PODN: variants seen among roughly 807,000 people sequenced by gnomAD.
PODN encodes podocan.
In PODN, 40 loss-of-function variants were observed where a neutral mutation model predicts 52.7. The ratio of observed to expected loss-of-function variants is 0.76; its 90% CI spans 0.59 to 0.99. PODN has a LOEUF of 0.99. Among genes scored for constraint, PODN ranks in the 50% least tolerant of loss-of-function variants. The pLI, the probability that PODN is intolerant of heterozygous loss-of-function variation, is 0.00. For synonymous variants in PODN, 396 were observed against 377.9 expected (o/e 1.05, Z -0.56); for missense variants, 720 against 815.1 (o/e 0.88, Z 1.42).
At chr1:53,071,224 G>A (rs1040715017) in intron 2 of PODN, 3 of 225,096 alleles carry the variant, frequency 1.3e-5, no homozygotes, top group Non-Finnish European at 1.7e-5. Flanking sequence ...TGCCTGTCAC[G>A]AGGTGGGAAC....
chr1:53,075,912 T>C lies in PODN; in HGVS notation c.522T>C (p.Phe174=). The change falls in exon 5 of 11, where the codon TTT becomes TTC. Residue 174 remains phenylalanine (F), a synonymous_variant. Coordinates refer to ENST00000312553, the MANE Select transcript of PODN (RefSeq NM_153703.5). Reference sequence around the variant, plus strand: ...CAAACGCCCTGATCAGTGTGGACTTTGCTGCCAACTATCTCACCAAGATCT... The same window carrying C: ...CAAACGCCCTGATCAGTGTGGACTTCGCTGCCAACTATCTCACCAAGATCT... The part of the protein sequence containing the change: ...FLPNALISVD[F]AANYLTKIYG... 6.2e-7 allele frequency: 1 copy of C among 1,606,882 alleles called. No individual in the cohort carries two copies. The highest frequency in any genetic ancestry group is 8.5e-7 in the Non-Finnish European group (1 of 1,176,076).
At chr1:53,080,611 T>A in intron 8 of PODN, 117 bp from the exon 9 acceptor site, 1 of 1,101,866 alleles carries the variant, frequency 9.1e-7, no homozygotes, top group Non-Finnish European at 1.3e-6. Flanking sequence ...ACACCCCCCC[T>A]CCTCCACACA....
intron 1 of PODN, chr1:53,066,931 C>G (rs1644042131): frequency 6.7e-7 from 1 of 1,481,966 alleles, no homozygotes; most frequent in African/African-American, 1.4e-5. Context: ...TGGCCTTCTG[C>G]CCTGATTGAA....
In PODN at chr1:53,070,090, G is replaced by A. The variant is rs148109485; in HGVS notation, c.235G>A (p.Val79Ile). The A allele has an allele frequency of 5.2e-4, 841 of 1,612,946 alleles. 4 individuals carry two copies. The Middle Eastern group carries it at 0.014, about 26-fold the overall frequency. ...PRDCACSQEG[V>I]VDCGGIDLRE... is the part of the protein sequence containing the mutation. ...AGACTGTGCCTGTTCCCAGGAGGGCGTCGTGGACTGTGGCGGTATTGACCT... is the reference window on the plus strand; with the variant it reads ...AGACTGTGCCTGTTCCCAGGAGGGCATCGTGGACTGTGGCGGTATTGACCT... Residue 79 changes from valine to isoleucine, a missense_variant, in exon 2 of 11, where the codon GTC becomes ATC. By Grantham distance (29) the Val-to-Ile change is conservative. Coordinates refer to ENST00000312553, the MANE Select transcript of PODN (RefSeq NM_153703.5).
chr1:53,069,792 A>C lies in PODN; in HGVS notation c.-55-9A>C. 6.4e-7 allele frequency: 1 copy of C among 1,573,462 alleles called. No individual in the cohort carries two copies. Among genetic ancestry groups the C allele is most frequent in the Non-Finnish European group, 8.6e-7 (1 of 1,160,848 alleles). Reference sequence around the variant, plus strand: ...CGAGGGCCCCAGCTGTGTCCACTGTACCTCACAGGTTCCGTCAGCCCTGGC... The same window carrying C: ...CGAGGGCCCCAGCTGTGTCCACTGTCCCTCACAGGTTCCGTCAGCCCTGGC... On this transcript the variant is annotated splice_polypyrimidine_tract_variant and intron_variant, in intron 1 of 10. Coordinates refer to ENST00000312553, the MANE Select transcript of PODN (RefSeq NM_153703.5).
Position 53,077,328 on chromosome 1 carries a change from G to C in PODN, c.720G>C (p.Leu240=). 1 of 1,613,168 alleles carries C rather than the reference G, an allele frequency of 6.2e-7. No individual in the cohort carries two copies. Among genetic ancestry groups the C allele is most frequent in the Non-Finnish European group, 8.5e-7 (1 of 1,179,982 alleles). The change falls in exon 6 of 11, where the codon CTG becomes CTC. Residue 240 remains leucine (L), a synonymous_variant. Coordinates refer to ENST00000312553, the MANE Select transcript of PODN (RefSeq NM_153703.5). The part of the protein sequence containing the change: ...RHVPKHLPPA[L]YKLHLKNNKL... ...TGCCCAAGCACCTGCCGCCTGCCCTGTACAAGCTGCACCTCAAGGTGGGCA... is the reference window on the plus strand; with the variant it reads ...TGCCCAAGCACCTGCCGCCTGCCCTCTACAAGCTGCACCTCAAGGTGGGCA...
chr1:53,070,223 C>T, intron 2 of PODN, 56 bp downstream of exon 2: 1 of 1,588,422 alleles, frequency 6.3e-7, no homozygotes, highest in Non-Finnish European at 8.5e-7. Flanking sequence ...CCCTTGGTTC[C>T]CATCCCAGAA....
At chr1:53,075,691 G>C (rs1323305264) in intron 4 of PODN, among the ~76,000 whole-genome samples, 171 bp from the exon 5 acceptor site, 1 of 151,538 alleles carries the variant, frequency 6.6e-6, no homozygotes, top group Non-Finnish European at 1.5e-5. Context: ...GACAGCCAGA[G>C]AGGTTTTGTT....
At chr1:53,082,597 A>T (rs1311271592) in intron 10 of PODN, among the ~76,000 whole-genome samples, 1 of 152,198 alleles carries the variant, frequency 6.6e-6, no homozygotes, top group African/African-American at 2.4e-5. Flanking sequence ...AGCAGTTAGG[A>T]AAGGAGGTAG....
chr1:53,077,642 C>T lies in PODN; in HGVS notation c.739-43C>T, dbSNP rs373435031. 2.5e-4 allele frequency: 394 copies of T among 1,554,322 alleles called. 1 individual carries two copies. The African/African-American group carries it at 3.1e-3, about 12-fold the overall frequency. ...CATCCCGAGGCCCTGACCTTGCCCT[C>T]GGCCCTCCCTCACAATCTCCTCCCT... On this transcript the variant is annotated intron_variant, in intron 6 of 10. Transcript: ENST00000312553.
At position 53,069,992 on chromosome 1, in the gene PODN, CGGA is replaced by C. The variant is rs1021361165; in HGVS notation, c.145_147del (p.Glu49del). The C allele has an allele frequency of 5.0e-6, 8 of 1,611,566 alleles. No individual in the cohort carries two copies. In the African/African-American group the frequency reaches 9.3e-5, roughly 19 times the overall value. On this transcript the variant is annotated inframe_deletion, in exon 2 of 11. Transcript: ENST00000312553. ...CTGAGCCCCGAAGAGAACGAATTTGCGGAGGAGGAGCCGGTGCTGGTACTGAGC... is the reference window on the plus strand; with the variant it reads ...CTGAGCCCCGAAGAGAACGAATTTGCGGAGGAGCCGGTGCTGGTACTGAGC...
At chr1:53,067,551 C>T (rs182935564) in intron 1 of PODN, among the ~76,000 whole-genome samples, 66 of 152,220 alleles carry the variant, frequency 4.3e-4, no homozygotes, top group Admixed American at 2.9e-3. Context: ...CACAGGGCAG[C>T]AGGAACTCAG....
At chr1:53,062,652 G>T (rs1045839824) in intron 1 of PODN, among the ~76,000 whole-genome samples, 1 of 152,188 alleles carries the variant, frequency 6.6e-6, no homozygotes, top group Admixed American at 6.5e-5. Flanking sequence ...CAGGGAATGT[G>T]GGGGGCAGGT....
chr1:53,076,274 C>G (rs572378831), intron 5 of PODN, among the ~76,000 whole-genome samples: 1 of 152,364 alleles, frequency 6.6e-6, no homozygotes, highest in South Asian at 2.1e-4. Flanking sequence ...TTGGGAGGAG[C>G]AACCGCCCCC....
chr1:53,083,880 C>T (rs531086604), intron 10 of PODN, among the ~76,000 whole-genome samples: 1 of 152,072 alleles, frequency 6.6e-6, no homozygotes, highest in African/African-American at 2.4e-5. Context: ...GGCTGGGGGT[C>T]ACAGGGCCAG....
chr1:53,074,774 G>T, intron 4 of PODN, 104 bp downstream of exon 4: 1 of 1,195,144 alleles, frequency 8.4e-7, no homozygotes, highest in Non-Finnish European at 1.2e-6. Context: ...ACTCCCTGCT[G>T]GGTCCTTGTT....
At position 53,070,272 on chromosome 1, in the gene PODN, A is replaced by T. The variant is rs1644098688; in HGVS notation, c.312+105A>T. ...AGCAAACTGTTCACCCAGAACCTCCAATATGTGCGGCTCTCCACTCCCAAC... is the reference window on the plus strand; with the variant it reads ...AGCAAACTGTTCACCCAGAACCTCCTATATGTGCGGCTCTCCACTCCCAAC... On this transcript the variant is annotated intron_variant, in intron 2 of 10. Coordinates refer to ENST00000312553, the MANE Select transcript of PODN (RefSeq NM_153703.5). The T allele has an allele frequency of 2.6e-6, 4 of 1,533,272 alleles. No individual in the cohort carries two copies. The South Asian group carries it at 3.5e-5, about 14-fold the overall frequency. The allele number at this position is 1,533,272 out of a possible 1,614,324, so 95.0% of individuals were successfully genotyped here. A position where few individuals can be genotyped will look rare whatever the true frequency, so the allele number is the denominator to read the frequency against.
chr1:53,079,796 G>T (rs1395203153), intron 8 of PODN, among the ~76,000 whole-genome samples: 1 of 151,822 alleles, frequency 6.6e-6, no homozygotes, highest in Non-Finnish European at 1.5e-5. Flanking sequence ...GGAGTTTGAG[G>T]CTTGCCCGGG....
At position 53,075,990 on chromosome 1, in the gene PODN, T is replaced by A; in HGVS notation, c.581+19T>A. On this transcript the variant is annotated intron_variant, in intron 5 of 10. Transcript: ENST00000312553. The stretch of plus-strand genomic sequence containing the variant: ...ACTTGAGGTCAGAGGTCGGGGGTGG[T>A]CAGGGCTCGGGCTGGGGCAAGGGGA... 6.5e-7 allele frequency: 1 copy of A among 1,550,042 alleles called. No homozygotes were observed. Among genetic ancestry groups the A allele is most frequent in the South Asian group, 1.2e-5 (1 of 85,080 alleles).
Sources: allele counts gnomAD v4.1 joint callset (sites outside exome capture counted in the v4.1 genomes callset), GRCh38; gene constraint gnomAD v4.1.1; transcripts MANE v1.5; gene names NCBI Gene and HGNC (gene_info 2026-07-23, HGNC 2026-07-21).